ABL2: variants seen among roughly 807,000 people sequenced by gnomAD.
ABL2 encodes the protein tyrosine-protein kinase ABL2.
A neutral mutation model predicts 107.7 loss-of-function variants in ABL2; 49 were observed. The ratio of observed to expected loss-of-function variants is 0.45; its 90% CI spans 0.36 to 0.58. The LOEUF (loss-of-function observed/expected upper bound fraction) is 0.58, where lower values mean the gene tolerates loss of function less well. Ranked by LOEUF, ABL2 falls within the 20% of genes least tolerant of loss-of-function variation. ABL2 has a pLI of 0.00. For missense variants in ABL2, 1,245 were observed against 1,457.0 expected, an observed-to-expected ratio of 0.85 and a Z score of 2.37; for synonymous variants, 549 against 548.6, an observed-to-expected ratio of 1.00 and a Z score of -0.01.
chr1:179,200,822 T>C (rs72709481), intron 1 of ABL2, among the ~76,000 whole-genome samples: 3,349 of 152,270 alleles, frequency 0.022, 67 homozygotes, highest in Middle Eastern at 0.054. Flanking sequence ...AAAAGGTACA[T>C]GGGGCAATGT....
At position 179,101,428 on chromosome 1, in the gene ABL2, G is replaced by A; in HGVS notation, c.*6290C>T. 5.6e-6 allele frequency: 1 copy of A among 178,890 alleles called. No homozygotes were observed. Among genetic ancestry groups the A allele is most frequent in the Non-Finnish European group, 1.2e-5 (1 of 84,228 alleles). The allele number at this position is 178,890 out of a possible 1,614,324, so 11.1% of individuals were successfully genotyped here. A position where few individuals can be genotyped will look rare whatever the true frequency, so the allele number is the denominator to read the frequency against. ...GTCTCACTCTGTCACTTAGGCTGGA[G>A]TGCAGCGGCGCGATCTCAGCTCACT... On this transcript the variant is annotated 3_prime_UTR_variant, in exon 12 of 12. Transcript: ENST00000502732.
rs984300386 is a variant in ABL2, at chr1:179,159,375, G to A, written c.158-26001C>T. On this transcript the variant is annotated intron_variant, in intron 1 of 11. Transcript: ENST00000502732. ...ATGAAGATTATCACAGCTTGCTGGT[G>A]AAGGAATAAGTAGTCCTACTCAACA... Among the ~76,000 whole-genome samples, 8 of 152,324 alleles carry A rather than the reference G, an allele frequency of 5.3e-5. 1 individual carries two copies. The Middle Eastern group carries it at 0.01, about 196-fold the overall frequency.
intron 1 of ABL2, among the ~76,000 whole-genome samples, chr1:179,139,357 C>T (rs1657357304): frequency 6.6e-6 from 1 of 152,040 alleles, no homozygotes; most frequent in African/African-American, 2.4e-5. Flanking sequence ...CACTCCTGAG[C>T]CAGCGAGACC....
At chr1:179,114,780 A>G (rs945488743) in intron 9 of ABL2, 98 bp downstream of exon 9, 4 of 1,265,132 alleles carry the variant, frequency 3.2e-6, no homozygotes, top group Non-Finnish European at 4.3e-6. Context: ...GGCTGGATTC[A>G]ATCTAACAAC....
chr1:179,152,920 C>A (rs1473655733), intron 1 of ABL2, among the ~76,000 whole-genome samples: 1 of 152,084 alleles, frequency 6.6e-6, no homozygotes. Flanking sequence ...AATATTAAAT[C>A]TCTGGTTTGG....
chr1:179,211,885 C>T (rs898575846), intron 1 of ABL2, among the ~76,000 whole-genome samples: 2 of 152,120 alleles, frequency 1.3e-5, no homozygotes, highest in African/African-American at 4.8e-5. Flanking sequence ...ATAAAATCTG[C>T]ACTGTAACAT....
Position 179,107,996 on chromosome 1 carries a change from C to A in ABL2, c.3271G>T (p.Glu1091Ter). 1 of 1,614,226 alleles carries A rather than the reference C, an allele frequency of 6.2e-7. No individual in the cohort carries two copies. Among genetic ancestry groups the A allele is most frequent in the Non-Finnish European group, 8.5e-7 (1 of 1,180,050 alleles). ...GCACTGGACAGTAGGTCAGCACATT[C>A]CAGCAGGGCCTCTTTGCTGATTTTG... ...ADKISKEALL[E>*]CADLLSSALT... Residue 1091 changes from glutamate (E) to a stop codon, truncating the protein, a stop_gained, in exon 12 of 12, where the codon GAA (glutamate) becomes TAA (stop). Transcript: ENST00000502732. LOFTEE classifies it high-confidence loss of function.
At chr1:179,153,319 C>A (rs1369603484) in intron 1 of ABL2, among the ~76,000 whole-genome samples, 1 of 152,028 alleles carries the variant, frequency 6.6e-6, no homozygotes. Context: ...TAGTTTCCTG[C>A]AGCTGCTATA....
intron 1 of ABL2, among the ~76,000 whole-genome samples, chr1:179,150,075 A>C (rs1658271668): frequency 6.6e-6 from 1 of 151,900 alleles, no homozygotes; most frequent in African/African-American, 2.4e-5. Flanking sequence ...CTAAAAAAAA[A>C]ATTTTTTTTT....
intron 1 of ABL2, among the ~76,000 whole-genome samples, chr1:179,224,124 C>T: frequency 9.9e-6 from 1 of 100,646 alleles, no homozygotes; most frequent in Non-Finnish European, 1.9e-5. Flanking sequence ...GAGTGAGACC[C>T]TACTCACTAC....
chr1:179,128,888 T>C (rs1656000531), intron 3 of ABL2, among the ~76,000 whole-genome samples: 1 of 152,016 alleles, frequency 6.6e-6, no homozygotes, highest in African/African-American at 2.4e-5. Context: ...TCTCACTACA[T>C]TGCCTAGGCT....
chr1:179,103,514 T>G lies in ABL2; in HGVS notation c.*4204A>C, dbSNP rs918592010. On this transcript the variant is annotated 3_prime_UTR_variant, in exon 12 of 12. Transcript: ENST00000502732. Reference sequence around the variant, plus strand: ...GGAATGTAGGACTAACTAGGTTTTTTAAAAACTCAAGTTGGTATTTCTTTA... The same window carrying G: ...GGAATGTAGGACTAACTAGGTTTTTGAAAAACTCAAGTTGGTATTTCTTTA... 9.4e-6 allele frequency: 2 copies of G among 212,002 alleles called. No individual in the cohort carries two copies. The highest frequency in any genetic ancestry group is 1.9e-5 in the Non-Finnish European group (2 of 104,702). The allele number at this position is 212,002 out of a possible 1,614,324, so 13.1% of individuals were successfully genotyped here. A position where few individuals can be genotyped will look rare whatever the true frequency, so the allele number is the denominator to read the frequency against.
chr1:179,125,380 G>C (rs1333220185), intron 4 of ABL2, among the ~76,000 whole-genome samples: 2 of 152,158 alleles, frequency 1.3e-5, no homozygotes, highest in Non-Finnish European at 2.9e-5. Context: ...TTAGATCTGT[G>C]GGTGTTTCTA....
At position 179,185,734 on chromosome 1, in the gene ABL2, T is replaced by C. The variant is rs984492200; in HGVS notation, c.157+43507A>G. Among the ~76,000 whole-genome samples the C allele has an allele frequency of 4.6e-5, 7 of 152,294 alleles. No individual in the cohort carries two copies. The South Asian group carries it at 8.3e-4, about 18-fold the overall frequency. On this transcript the variant is annotated intron_variant, in intron 1 of 11. Transcript: ENST00000502732. Reference sequence around the variant, plus strand: ...AAGAGGTAGCTGTACATAAAGATTATAGCAATAATAAAAACCCATGAAGAT... The same window carrying C: ...AAGAGGTAGCTGTACATAAAGATTACAGCAATAATAAAAACCCATGAAGAT...
chr1:179,112,031 T>A (rs1289526622), intron 10 of ABL2, among the ~76,000 whole-genome samples: 2 of 151,194 alleles, frequency 1.3e-5, no homozygotes, highest in African/African-American at 4.9e-5. Flanking sequence ...GGTGATAGAG[T>A]GAGACTCCAT....
chr1:179,164,073 G>A (rs969368081), intron 1 of ABL2, among the ~76,000 whole-genome samples: 2 of 152,200 alleles, frequency 1.3e-5, no homozygotes, highest in African/African-American at 4.8e-5. Flanking sequence ...CAGAGGGATT[G>A]CATGAGACAG....
At chr1:179,142,279 AG>A (rs1220190074) in intron 1 of ABL2, among the ~76,000 whole-genome samples, 1 of 152,246 alleles carries the variant, frequency 6.6e-6, no homozygotes, top group African/African-American at 2.4e-5. Context: ...AATTTAAAAA[AG>A]GCATTTTTTT....
At chr1:179,195,819 G>A (rs1661277280) in intron 1 of ABL2, among the ~76,000 whole-genome samples, 2 of 152,182 alleles carry the variant, frequency 1.3e-5, no homozygotes, top group Non-Finnish European at 2.9e-5. Flanking sequence ...TTTATATGAG[G>A]AACCTAGAGT....
At chr1:179,173,200 AAAAC>A (rs1018285978) in intron 1 of ABL2, among the ~76,000 whole-genome samples, 10 of 151,530 alleles carry the variant, frequency 6.6e-5, no homozygotes, top group Non-Finnish European at 1.2e-4. Flanking sequence ...CAAAAAAAAA[AAAAC>A]AACAACAGAA....
Sources: gnomAD v4.1 joint callset for allele counts (sites outside exome capture counted in the v4.1 genomes callset) on GRCh38, gnomAD v4.1.1 for gene constraint, MANE v1.5 for transcripts, NCBI Gene and HGNC (gene_info 2026-07-23, HGNC 2026-07-21) for gene names.